Variants in TAFA1 observed in about 807,000 individuals in gnomAD.
TAFA1 encodes TAFA chemokine like family member 1, also known as chemokine-like protein TAFA-1.
A neutral mutation model predicts 18.5 loss-of-function variants in TAFA1; 4 were observed. The ratio of observed to expected loss-of-function variants is 0.22; its 90% CI spans 0.11 to 0.49. The LOEUF (loss-of-function observed/expected upper bound fraction) is 0.49. Among genes scored for constraint, TAFA1 ranks in the 20% least tolerant of loss-of-function variants. The pLI is 0.98. For synonymous variants in TAFA1, 56 were observed against 55.2 expected (o/e 1.01, Z -0.06); for missense variants, 147 against 169.0 (o/e 0.87, Z 0.72).
At chr3:68,255,703 G>A (rs1229604149) in intron 2 of TAFA1, among the ~76,000 whole-genome samples, 6 of 151,920 alleles carry the variant, frequency 3.9e-5, no homozygotes, top group Non-Finnish European at 2.9e-5. Flanking sequence ...GTTTTATGAA[G>A]GATAATGATT....
intron 2 of TAFA1, among the ~76,000 whole-genome samples, chr3:68,361,110 G>A (rs1274349495): frequency 2.0e-5 from 3 of 151,966 alleles, no homozygotes; most frequent in African/African-American, 7.2e-5. Context: ...TAGGTGGGAA[G>A]TCAGAATCAA....
intron 2 of TAFA1, among the ~76,000 whole-genome samples, chr3:68,349,329 A>G (rs1314019968): frequency 1.3e-5 from 2 of 152,056 alleles, no homozygotes; most frequent in African/African-American, 2.4e-5. Context: ...TGTACCAGAA[A>G]TCACAGCACA....
intron 2 of TAFA1, among the ~76,000 whole-genome samples, chr3:68,112,545 C>T (rs1315068666): frequency 6.6e-6 from 1 of 151,820 alleles, no homozygotes; most frequent in African/African-American, 2.4e-5. Flanking sequence ...AATATTGACC[C>T]CCTCCCCATT....
In TAFA1 at chr3:68,129,135, G is replaced by A. The variant is rs114017878; in HGVS notation, c.118+122391G>A. On this transcript the variant is annotated intron_variant, in intron 2 of 4. Coordinates refer to ENST00000478136, the MANE Select transcript of TAFA1 (RefSeq NM_213609.4). ...CTAAGGGCGAGTGGGGCAGGAGGGG[G>A]TTTGTTGTCTTCTGTCTGGTACAGA... Among the ~76,000 whole-genome samples, 790 of 152,290 alleles carry A rather than the reference G, an allele frequency of 5.2e-3. 3 individuals are homozygous for A. Among genetic ancestry groups the A allele is most frequent in the African/African-American group, 0.018 (763 of 41,560 alleles).
chr3:68,387,521 T>C (rs543308120), intron 2 of TAFA1, among the ~76,000 whole-genome samples: 320 of 152,200 alleles, frequency 2.1e-3, no homozygotes, highest in African/African-American at 7.5e-3. Flanking sequence ...GTGGTATGAG[T>C]TTACTCCATG....
chr3:68,122,195 A>AT (rs1324153367), intron 2 of TAFA1, among the ~76,000 whole-genome samples: 13 of 150,364 alleles, frequency 8.6e-5, no homozygotes, highest in African/African-American at 2.7e-4. Context: ...TGTTCTTTAT[A>AT]TATTTTTTTT....
At chr3:68,274,944 C>T (rs2067765486) in intron 2 of TAFA1, among the ~76,000 whole-genome samples, 1 of 152,052 alleles carries the variant, frequency 6.6e-6, no homozygotes, top group Non-Finnish European at 1.5e-5. Context: ...AGACCATATA[C>T]AATTTGCAAA....
At chr3:68,267,152 A>C (rs1239375533) in intron 2 of TAFA1, among the ~76,000 whole-genome samples, 1 of 152,200 alleles carries the variant, frequency 6.6e-6, no homozygotes, top group Non-Finnish European at 1.5e-5. Flanking sequence ...ATAGGAACAC[A>C]CAGATAAGAC....
At chr3:68,418,928 C>T (rs191489285) in intron 3 of TAFA1, among the ~76,000 whole-genome samples, 120 of 152,218 alleles carry the variant, frequency 7.9e-4, no homozygotes, top group Admixed American at 2.2e-3. Flanking sequence ...CTGTGTGTCA[C>T]GAATTAAACT....
chr3:68,335,780 G>A (rs549564348), intron 2 of TAFA1, among the ~76,000 whole-genome samples: 30 of 152,216 alleles, frequency 2.0e-4, no homozygotes, highest in African/African-American at 6.3e-4. Flanking sequence ...CCCAGTTGCC[G>A]CTGAATTATG....
upstream of TAFA1, among the ~76,000 whole-genome samples, chr3:67,999,674 T>A (rs1395628868): frequency 1.3e-5 from 2 of 151,978 alleles, no homozygotes. Context: ...AGCAAAAAAA[T>A]TCCAACACAA....
intron 3 of TAFA1, among the ~76,000 whole-genome samples, chr3:68,440,853 C>G (rs2071362057): frequency 6.6e-6 from 1 of 152,174 alleles, no homozygotes; most frequent in Admixed American, 6.5e-5. Context: ...TAACCCCCTT[C>G]TTAGCCTGTT....
intron 2 of TAFA1, among the ~76,000 whole-genome samples, chr3:68,203,512 G>A (rs1252465678): frequency 1.3e-5 from 2 of 151,650 alleles, no homozygotes; most frequent in Non-Finnish European, 2.9e-5. Flanking sequence ...AAAAGGAACT[G>A]CTGTAAAAAG....
At chr3:68,463,247 G>C (rs1299481780) in intron 3 of TAFA1, among the ~76,000 whole-genome samples, 3 of 152,102 alleles carry the variant, frequency 2.0e-5, no homozygotes, top group African/African-American at 7.2e-5. Context: ...CTTAATTGCT[G>C]TCTCCTCTTA....
intron 2 of TAFA1, among the ~76,000 whole-genome samples, chr3:68,308,783 C>T (rs2068465893): frequency 6.6e-6 from 1 of 151,976 alleles, no homozygotes. Context: ...AATAGCTTGT[C>T]CCATCTCATA....
intron 2 of TAFA1, among the ~76,000 whole-genome samples, chr3:68,292,264 G>A (rs7618050): frequency 0.66 from 100,030 of 151,736 alleles, 33,907 homozygotes; most frequent in East Asian, 0.9. Flanking sequence ...TCTTTTCCCA[G>A]ACCATCTTCT....
intron 2 of TAFA1, among the ~76,000 whole-genome samples, chr3:68,081,983 C>T (rs529044897): frequency 1.3e-5 from 2 of 152,320 alleles, no homozygotes; most frequent in South Asian, 4.1e-4. Context: ...GGCGTAGGAC[C>T]CTCTGAGCCA....
chr3:68,268,570 G>GTC, intron 2 of TAFA1, among the ~76,000 whole-genome samples: 1 of 152,070 alleles, frequency 6.6e-6, no homozygotes, highest in African/African-American at 2.4e-5. Flanking sequence ...GGAAATGAAA[G>GTC]GTGAAAGGGA....
At chr3:68,306,621 A>T (rs2068427586) in intron 2 of TAFA1, among the ~76,000 whole-genome samples, 1 of 152,146 alleles carries the variant, frequency 6.6e-6, no homozygotes, top group Non-Finnish European at 1.5e-5. Flanking sequence ...CACCTCCTGG[A>T]TGGATCTGGA....
Sources: gnomAD v4.1 joint callset for allele counts (sites outside exome capture counted in the v4.1 genomes callset) on GRCh38, gnomAD v4.1.1 for gene constraint, MANE v1.5 for transcripts, NCBI Gene and HGNC (gene_info 2026-07-23, HGNC 2026-07-21) for gene names.